Variants in CHODL observed in about 807,000 individuals in gnomAD.
The protein encoded by CHODL is transmembrane protein MT75.
Under a neutral mutation model 34.5 loss-of-function variants are expected in CHODL, and 29 were observed. That is an observed-to-expected ratio of 0.84 (90% CI 0.63 to 1.15). The LOEUF (loss-of-function observed/expected upper bound fraction) is 1.15. Among genes scored for constraint, CHODL ranks in the 50% most tolerant of loss-of-function variants. The pLI, the probability that CHODL is intolerant of heterozygous loss-of-function variation, is 0.00. For missense variants in CHODL, 332 were observed against 332.5 expected, an observed-to-expected ratio of 1.00 and a Z score of 0.01; for synonymous variants, 125 against 116.1, an observed-to-expected ratio of 1.08 and a Z score of -0.49.
intron 2 of CHODL, among the ~76,000 whole-genome samples, chr21:18,111,032 C>T (rs1458941134): frequency 1.3e-5 from 2 of 152,158 alleles, no homozygotes; most frequent in Non-Finnish European, 2.9e-5. Context: ...GGGACAGCTT[C>T]CACACTAGGG....
At chr21:18,167,211 C>CTG (rs71329776) in intron 2 of CHODL, among the ~76,000 whole-genome samples, 4,980 of 87,998 alleles carry the variant, frequency 0.057, 125 homozygotes, top group Non-Finnish European at 0.071. Context: ...TTCTCTCTCT[C>CTG]TGTGTGTGTG....
intron 1 of CHODL, among the ~76,000 whole-genome samples, chr21:17,933,884 C>CA (rs2063297465): frequency 1.3e-5 from 2 of 151,746 alleles, no homozygotes; most frequent in Non-Finnish European, 2.9e-5. Context: ...ACTAAAAATA[C>CA]AAAAATTAGC....
At chr21:18,226,545 C>T (rs374390717) in intron 2 of CHODL, among the ~76,000 whole-genome samples, 8 of 152,090 alleles carry the variant, frequency 5.3e-5, no homozygotes, top group South Asian at 2.1e-4. Flanking sequence ...TTGGTCTGCC[C>T]GCCTCGGCTT....
intron 1 of CHODL, among the ~76,000 whole-genome samples, chr21:18,014,665 C>G (rs1191382385): frequency 1.3e-5 from 2 of 152,114 alleles, no homozygotes; most frequent in Non-Finnish European, 2.9e-5. Flanking sequence ...GAAGCAGTGG[C>G]ACCTTCACCT....
chr21:17,933,833 G>T (rs1355295052), intron 1 of CHODL, among the ~76,000 whole-genome samples: 1 of 152,042 alleles, frequency 6.6e-6, no homozygotes, highest in Non-Finnish European at 1.5e-5. Flanking sequence ...GAGGTCAAGA[G>T]ATTGAGACCA....
At chr21:17,961,080 T>C (rs2063528805) in intron 1 of CHODL, among the ~76,000 whole-genome samples, 1 of 152,220 alleles carries the variant, frequency 6.6e-6, no homozygotes, top group Admixed American at 6.5e-5. Context: ...TCCGAGTGCC[T>C]AATAGTATCT....
chr21:18,206,872 T>C (rs2073718062), intron 2 of CHODL, among the ~76,000 whole-genome samples: 1 of 131,224 alleles, frequency 7.6e-6, no homozygotes. Context: ...CCATTATTAT[T>C]ATTATTATTA....
chr21:17,977,451 C>T (rs373714954), intron 1 of CHODL, among the ~76,000 whole-genome samples: 32 of 150,254 alleles, frequency 2.1e-4, no homozygotes, highest in Non-Finnish European at 3.0e-4. Context: ...CTGCAACCTC[C>T]GCCTTCGGAG....
chr21:17,994,473 G>A (rs1286364458), intron 1 of CHODL, among the ~76,000 whole-genome samples: 3 of 152,222 alleles, frequency 2.0e-5, no homozygotes, highest in Admixed American at 2.0e-4. Flanking sequence ...GGGCACTGGT[G>A]GCAGTAGAGG....
chr21:18,015,713 A>C (rs1359513877), intron 1 of CHODL, among the ~76,000 whole-genome samples: 2 of 152,198 alleles, frequency 1.3e-5, no homozygotes, highest in African/African-American at 4.8e-5. Flanking sequence ...GTTCCAGCTG[A>C]AAAGGACTCA....
Position 18,244,944 on chromosome 21 carries a change from G to A in CHODL, c.-280G>A, listed in dbSNP as rs1396512220. ...TGGTCCAAGCCGGGGCTTCTGCTTC[G>A]CCTCTAGGACATACACGGGACCCCC... On this transcript the variant is annotated 5_prime_UTR_variant, in exon 1 of 6. Coordinates refer to ENST00000299295, the MANE Select transcript of CHODL (RefSeq NM_024944.3). 5 of 389,816 alleles carry A rather than the reference G, an allele frequency of 1.3e-5. No individual in the cohort carries two copies. The highest frequency in any genetic ancestry group is 1.8e-5 in the Non-Finnish European group (4 of 219,688). 24.1% of individuals were successfully genotyped at this position (389,816 alleles called of 1,614,324 possible).
chr21:18,224,838 CT>C (rs1294879055), intron 2 of CHODL, among the ~76,000 whole-genome samples: 1 of 151,514 alleles, frequency 6.6e-6, no homozygotes, highest in African/African-American at 2.4e-5. Context: ...CCTTCAACTT[CT>C]TATAAGAAAT....
chr21:18,020,526 C>T (rs2064118384), intron 1 of CHODL, among the ~76,000 whole-genome samples: 1 of 152,066 alleles, frequency 6.6e-6, no homozygotes, highest in African/African-American at 2.4e-5. Context: ...TTCTTTTGGC[C>T]TAATTTTGAG....
In CHODL at chr21:17,954,711, C is replaced by G. The variant is rs188696934; in HGVS notation, c.-145+37311C>G. 8.2e-5 allele frequency among the ~76,000 whole-genome samples: 11 copies of G among 133,868 alleles called. 1 individual carries two copies. Among genetic ancestry groups the G allele is most frequent in the African/African-American group, 2.8e-4 (11 of 39,514 alleles). 87.8% of individuals were successfully genotyped at this position (133,868 alleles called of 152,430 possible). A position where few individuals can be genotyped will look rare whatever the true frequency, so the allele number is the denominator to read the frequency against. ...TCAGACTCAGGCTGGAAGTACACCA[C>G]CAGCTTTCCTGAATCTCCAGCTTGC... On this transcript the variant is annotated intron_variant, in intron 1 of 6. Coordinates refer to the CHODL transcript ENST00000400127.
intron 1 of CHODL, among the ~76,000 whole-genome samples, chr21:17,984,877 T>C (rs904484396): frequency 2.0e-5 from 3 of 152,204 alleles, no homozygotes; most frequent in African/African-American, 4.8e-5. Context: ...GAAGTACTTA[T>C]ATTGTCACTT....
chr21:18,158,604 G>A (rs8130462), intron 2 of CHODL, among the ~76,000 whole-genome samples: 547 of 152,238 alleles, frequency 3.6e-3, no homozygotes, highest in African/African-American at 0.013. Flanking sequence ...TTGGGAGGCC[G>A]AGGCGGGTGG....
chr21:18,251,186 A>G (rs571187192), intron 1 of CHODL, among the ~76,000 whole-genome samples: 2 of 150,890 alleles, frequency 1.3e-5, no homozygotes, highest in African/African-American at 4.8e-5. Context: ...AGTTAGCTCT[A>G]TAGAAATTTT....
intron 2 of CHODL, among the ~76,000 whole-genome samples, chr21:18,176,054 G>T (rs902136885): frequency 6.6e-5 from 10 of 152,158 alleles, no homozygotes; most frequent in African/African-American, 2.4e-4. Context: ...ACTCAAAAGA[G>T]TCTGAGGATG....
intron 2 of CHODL, among the ~76,000 whole-genome samples, chr21:18,029,463 A>C (rs1296524876): frequency 6.6e-6 from 1 of 152,172 alleles, no homozygotes; most frequent in Non-Finnish European, 1.5e-5. Flanking sequence ...TGTGTTATGA[A>C]AACATAAACA....
Sources: allele counts gnomAD v4.1 joint callset (sites outside exome capture counted in the v4.1 genomes callset), GRCh38; gene constraint gnomAD v4.1.1; transcripts MANE v1.5; gene names NCBI Gene and HGNC (gene_info 2026-07-23, HGNC 2026-07-21).